The following CCDC93 variants were observed in gnomAD, a reference collection of about 807,000 sequenced individuals.
CCDC93 encodes the protein coiled-coil domain-containing protein 93.
CCDC93 carries 61 observed loss-of-function variants against 108.2 expected under a neutral mutation model. That is an observed-to-expected ratio of 0.56 (90% CI 0.46 to 0.70). The LOEUF (loss-of-function observed/expected upper bound fraction) is 0.70. CCDC93 is among the 30% of genes least tolerant of loss of function. CCDC93 has a pLI of 0.00. For synonymous variants in CCDC93, 276 were observed against 260.4 expected (o/e 1.06, Z -0.58); for missense variants, 685 against 764.2 (o/e 0.90, Z 1.22).
chr2:117,979,513 C>T (rs1164234300), intron 7 of CCDC93, among the ~76,000 whole-genome samples: 1 of 152,190 alleles, frequency 6.6e-6, no homozygotes, highest in African/African-American at 2.4e-5. Context: ...GTATCATTCT[C>T]CTGAGGGCAA....
chr2:117,930,803 A>G (rs986569432), intron 23 of CCDC93: 11 of 395,974 alleles, frequency 2.8e-5, no homozygotes, highest in African/African-American at 2.0e-4. Flanking sequence ...AGTGTTAGGA[A>G]AACTAAAGTG....
At chr2:117,920,956 G>A (rs1369271280) in intron 23 of CCDC93, among the ~76,000 whole-genome samples, 4 of 152,124 alleles carry the variant, frequency 2.6e-5, no homozygotes, top group African/African-American at 9.7e-5. Flanking sequence ...GGCCGAGGCA[G>A]GCGGATCATG....
intron 8 of CCDC93, among the ~76,000 whole-genome samples, chr2:117,975,806 G>A (rs912081314): frequency 1.3e-5 from 2 of 152,126 alleles, no homozygotes; most frequent in Non-Finnish European, 1.5e-5. Context: ...AAAATTATAC[G>A]TTTACTGCTC....
intron 18 of CCDC93, among the ~76,000 whole-genome samples, chr2:117,941,535 G>A (rs1390692118): frequency 6.6e-6 from 1 of 152,098 alleles, no homozygotes; most frequent in Non-Finnish European, 1.5e-5. Flanking sequence ...CACCAAATGA[G>A]TGGACCAGGA....
intron 22 of CCDC93, among the ~76,000 whole-genome samples, chr2:117,932,194 G>GT (rs1247370515): frequency 5.3e-5 from 8 of 152,194 alleles, no homozygotes; most frequent in Admixed American, 1.3e-4. Flanking sequence ...AATGAGGGCA[G>GT]TAAGAGTTAC....
At chr2:117,929,653 A>C (rs1429400175) in intron 23 of CCDC93, among the ~76,000 whole-genome samples, 2 of 152,150 alleles carry the variant, frequency 1.3e-5, no homozygotes, top group East Asian at 3.9e-4. Flanking sequence ...GTTAGTTTTG[A>C]TTAAAGGGAA....
At position 117,945,595 on chromosome 2, in the gene CCDC93, A is replaced by C; in HGVS notation, c.1297-13T>G. 1 of 1,610,224 alleles carries C rather than the reference A, an allele frequency of 6.2e-7. No individual in the cohort carries two copies. The highest frequency in any genetic ancestry group is 8.5e-7 in the Non-Finnish European group (1 of 1,176,500). Reference sequence around the variant, plus strand: ...CACTGGAGAGGGTCTGAAACAATGAAAACATAATAAACACCTCTCCTGAGC... The same window carrying C: ...CACTGGAGAGGGTCTGAAACAATGACAACATAATAAACACCTCTCCTGAGC... On this transcript the variant is annotated splice_polypyrimidine_tract_variant and intron_variant, in intron 16 of 23. Coordinates refer to ENST00000376300, the MANE Select transcript of CCDC93 (RefSeq NM_019044.5).
intron 6 of CCDC93, among the ~76,000 whole-genome samples, chr2:117,990,070 T>C (rs1680430842): frequency 6.6e-6 from 1 of 152,222 alleles, no homozygotes; most frequent in Non-Finnish European, 1.5e-5. Context: ...AGTAAATGAA[T>C]GTATCTTTTG....
At chr2:118,001,829 C>T (rs1019272363) in intron 3 of CCDC93, among the ~76,000 whole-genome samples, 10 of 152,136 alleles carry the variant, frequency 6.6e-5, no homozygotes, top group Non-Finnish European at 8.8e-5. Flanking sequence ...ACCTCCTTCT[C>T]GAATCAGTTG....
chr2:117,946,927 A>G (rs2303329), intron 15 of CCDC93, 45 bp from the exon 16 acceptor site: 785,712 of 1,336,096 alleles, frequency 0.59, 235,395 homozygotes, highest in East Asian at 0.9. Flanking sequence ...ACAAGGAGTA[A>G]TTAGACGCAA....
intron 11 of CCDC93, among the ~76,000 whole-genome samples, chr2:117,960,765 C>T (rs909641421): frequency 6.6e-6 from 1 of 152,186 alleles, no homozygotes; most frequent in Admixed American, 6.5e-5. Context: ...AATACCTTTT[C>T]ATAATAATAT....
rs1678495488 is a variant in CCDC93 at position 117,935,589 on chromosome 2, A to G, written c.1644-10T>C. The G allele has an allele frequency of 6.2e-7, 1 of 1,605,728 alleles. No homozygotes were observed. The highest frequency in any genetic ancestry group is 1.3e-5 in the African/African-American group (1 of 74,878). On this transcript the variant is annotated splice_polypyrimidine_tract_variant and intron_variant, in intron 21 of 23. Transcript: ENST00000376300. Reference sequence around the variant, plus strand: ...AGGGGAGGCCATGGCCCTGAAAGAAAAACCAGTAGAGTTATGACCGGCACA... The same window carrying G: ...AGGGGAGGCCATGGCCCTGAAAGAAGAACCAGTAGAGTTATGACCGGCACA...
At chr2:117,953,025 T>C (rs1679109499) in intron 12 of CCDC93, among the ~76,000 whole-genome samples, 2 of 152,260 alleles carry the variant, frequency 1.3e-5, no homozygotes, top group South Asian at 2.1e-4. Context: ...ATTCCCTTTC[T>C]CTTGCTAAAA....
intron 6 of CCDC93, among the ~76,000 whole-genome samples, chr2:117,993,869 G>A (rs1160323135): frequency 6.6e-6 from 1 of 152,206 alleles, no homozygotes; most frequent in Admixed American, 6.5e-5. Flanking sequence ...AAGTAGCTAG[G>A]ATTACAGGGG....
intron 23 of CCDC93, among the ~76,000 whole-genome samples, chr2:117,923,456 C>A (rs1263611778): frequency 2.0e-5 from 3 of 152,238 alleles, no homozygotes; most frequent in Admixed American, 2.0e-4. Flanking sequence ...AAATGGCACA[C>A]CAGCAGATTA....
Position 118,014,069 on chromosome 2 carries a change from C to T in CCDC93, c.-74G>A. 1 of 1,558,866 alleles carries T rather than the reference C, an allele frequency of 6.4e-7. No homozygotes were observed. The highest frequency in any genetic ancestry group is 8.7e-7 in the Non-Finnish European group (1 of 1,151,936). On this transcript the variant is annotated 5_prime_UTR_variant, in exon 1 of 24. Transcript: ENST00000376300. ...GGAGGAAGCTGTCCCTGCCGCGGAG[C>T]TGCTACCGGGGTGGAGTACAAAGCG...
chr2:117,920,399 G>A lies in CCDC93; in HGVS notation c.1843-3C>T, dbSNP rs746309249. On this transcript the variant is annotated splice_polypyrimidine_tract_variant and splice_region_variant and intron_variant, in intron 23 of 23. Transcript: ENST00000376300. The stretch of plus-strand genomic sequence containing the variant: ...AGCATCTCGTTCTTGCGGCCCTCCT[G>A]GAGGGAAAGCAGAGAGTATAGAGAG... 1.9e-6 allele frequency: 3 copies of A among 1,611,138 alleles called. No homozygotes were observed. Among genetic ancestry groups the A allele is most frequent in the Admixed American group, 1.7e-5 (1 of 59,944 alleles).
chr2:117,923,565 G>A (rs1677962323), intron 23 of CCDC93, among the ~76,000 whole-genome samples: 1 of 152,308 alleles, frequency 6.6e-6, no homozygotes, highest in South Asian at 2.1e-4. Context: ...GTGAGGCTGG[G>A]GGAGGGGCAC....
At chr2:117,922,975 G>T (rs17569438) in intron 23 of CCDC93, among the ~76,000 whole-genome samples, 10,471 of 150,786 alleles carry the variant, frequency 0.069, 505 homozygotes, top group Admixed American at 0.11. Flanking sequence ...ACATGTGGGT[G>T]CCAGTTTTAA....
Sources: allele counts gnomAD v4.1 joint callset (sites outside exome capture counted in the v4.1 genomes callset), GRCh38; gene constraint gnomAD v4.1.1; transcripts MANE v1.5; gene names NCBI Gene and HGNC (gene_info 2026-07-23, HGNC 2026-07-21).